SEC22C: variants seen among roughly 807,000 people sequenced by gnomAD.
SEC22C encodes SEC22 homolog C, vesicle trafficking protein.
SEC22C carries 29 observed loss-of-function variants against 34.7 expected under a neutral mutation model. The observed-to-expected ratio is 0.84, with a 90% CI of 0.62 to 1.14. The LOEUF is 1.14. SEC22C is among the 50% of genes most tolerant of loss of function. The pLI is 0.00. For missense variants in SEC22C, 337 were observed against 369.0 expected (o/e 0.91, Z 0.71); for synonymous variants, 117 against 132.8 (o/e 0.88, Z 0.82).
rs1702293568 is a variant in SEC22C, at chr3:42,552,306, C to T, written c.*942G>A. 7 of 985,364 alleles carry T rather than the reference C, an allele frequency of 7.1e-6. No individual in the cohort carries two copies. Among genetic ancestry groups the T allele is most frequent in the Non-Finnish European group, 8.4e-6 (7 of 829,918 alleles). The allele number at this position is 985,364 out of a possible 1,614,324, so 61.0% of individuals were successfully genotyped here. On this transcript the variant is annotated 3_prime_UTR_variant, in exon 7 of 7. Transcript: ENST00000264454. ...GCTCTGGGAACAGGTACACAGGGTA[C>T]AGTAGTCATCATCATTAAAACAACA...
intron 1 of SEC22C, among the ~76,000 whole-genome samples, chr3:42,593,895 CT>C (rs1379087955): frequency 2.0e-5 from 3 of 152,054 alleles, no homozygotes; most frequent in Non-Finnish European, 4.4e-5. Flanking sequence ...GAAAAGCCCC[CT>C]AGTAGGAGTG....
At chr3:42,587,410 C>G (rs1704647216) in intron 1 of SEC22C, 1 of 151,934 alleles carries the variant, frequency 6.6e-6, no homozygotes, top group Non-Finnish European at 1.5e-5. Flanking sequence ...TTTTTTTTTA[C>G]CTGATAGAAA....
intron 2 of SEC22C, among the ~76,000 whole-genome samples, chr3:42,567,410 A>C (rs1703318766): frequency 6.6e-6 from 1 of 152,170 alleles, no homozygotes; most frequent in Non-Finnish European, 1.5e-5. Context: ...AACCCATAAG[A>C]AGCAGACTTT....
At position 42,549,213 on chromosome 3, in the gene SEC22C, G is replaced by C; in HGVS notation, c.*4035C>G. On this transcript the variant is annotated 3_prime_UTR_variant, in exon 7 of 7. Coordinates refer to ENST00000264454, the MANE Select transcript of SEC22C (RefSeq NM_032970.4). Reference sequence around the variant, plus strand: ...CTACACGAAAACATTTGGAATGTGAGCAATGTCTGAACAGGGGCTTGCCAG... The same window carrying C: ...CTACACGAAAACATTTGGAATGTGACCAATGTCTGAACAGGGGCTTGCCAG... 1 of 986,696 alleles carries C rather than the reference G, an allele frequency of 1.0e-6. No individual in the cohort carries two copies. The highest frequency in any genetic ancestry group is 1.2e-6 in the Non-Finnish European group (1 of 830,738). The allele number at this position is 986,696 out of a possible 1,614,324, so 61.1% of individuals were successfully genotyped here. A position where few individuals can be genotyped will look rare whatever the true frequency, so the allele number is the denominator to read the frequency against.
intron 2 of SEC22C, chr3:42,563,911 T>C: frequency 4.9e-6 from 7 of 1,421,174 alleles, no homozygotes; most frequent in Non-Finnish European, 6.5e-6. Context: ...CAGCCTGTGA[T>C]CACTCTTATT....
chr3:42,597,572 AG>A (rs1297421692), intron 1 of SEC22C, among the ~76,000 whole-genome samples: 13 of 151,588 alleles, frequency 8.6e-5, no homozygotes, highest in Admixed American at 8.5e-4. Context: ...AAAAAAAAAA[AG>A]GTGACATAGG....
At chr3:42,571,854 G>A (rs1703648790) in intron 1 of SEC22C, among the ~76,000 whole-genome samples, 2 of 152,200 alleles carry the variant, frequency 1.3e-5, no homozygotes, top group South Asian at 2.1e-4. Context: ...CCAACATGGC[G>A]AAACCCCGTC....
upstream of SEC22C, among the ~76,000 whole-genome samples, chr3:42,583,218 C>T (rs1388953291): frequency 6.6e-6 from 1 of 152,184 alleles, no homozygotes; most frequent in Non-Finnish European, 1.5e-5. Flanking sequence ...GAAGTCTCAA[C>T]AGAGCTATGG....
At chr3:42,566,293 T>C (rs1185556200) in intron 2 of SEC22C, among the ~76,000 whole-genome samples, 1 of 152,138 alleles carries the variant, frequency 6.6e-6, no homozygotes, top group Non-Finnish European at 1.5e-5. Flanking sequence ...CCACCTAGCC[T>C]GGGGTCAGGC....
Position 42,563,664 on chromosome 3 carries a change from C to T in SEC22C, c.205G>A (p.Ala69Thr). 1 of 1,613,996 alleles carries T rather than the reference C, an allele frequency of 6.2e-7. No individual in the cohort carries two copies. The highest frequency in any genetic ancestry group is 8.5e-7 in the Non-Finnish European group (1 of 1,179,946). Residue 69 changes from alanine (A) to threonine (T), a missense_variant, in exon 3 of 7, where the codon GCC becomes ACC. Transcript: ENST00000264454. ...TGGCAGGAGCAGATAGCCATGCAGG[C>T]CACGTCCCCGAAAGAAGAAAAACTG... ...SIHFSSFGDVACMAICSCQCP... is the reference protein window; with the variant it reads ...SIHFSSFGDVTCMAICSCQCP...
Position 42,563,544 on chromosome 3 carries a change from G to A in SEC22C, c.325C>T (p.Pro109Ser). Residue 109 changes from proline to serine, a missense_variant, in exon 3 of 7, where the codon CCA becomes TCA. Coordinates refer to ENST00000264454, the MANE Select transcript of SEC22C (RefSeq NM_032970.4). ...DTTCIGLASR[P>S]YAFLEFDSII... The stretch of plus-strand genomic sequence containing the variant: ...AAACCAAACTCAAGAAAAGCGTATG[G>A]CCTGGAGGCTAGGCCAATGCAGGTA... 1 of 1,613,888 alleles carries A rather than the reference G, an allele frequency of 6.2e-7. No individual in the cohort carries two copies.
chr3:42,586,181 A>G (rs1577366969), upstream of SEC22C, among the ~76,000 whole-genome samples: 1 of 152,064 alleles, frequency 6.6e-6, no homozygotes, highest in Non-Finnish European at 1.5e-5. Flanking sequence ...TCACCATATC[A>G]CTGAAAATGC....
chr3:42,580,409 C>T (rs575105585), intron 1 of SEC22C: 73 of 152,264 alleles, frequency 4.8e-4, no homozygotes, highest in African/African-American at 1.8e-3. Context: ...ATACAGAAGA[C>T]AAAACTGAGT....
upstream of SEC22C, among the ~76,000 whole-genome samples, chr3:42,585,818 A>C (rs1704591684): frequency 6.6e-6 from 1 of 152,146 alleles, no homozygotes; most frequent in African/African-American, 2.4e-5. Flanking sequence ...ATACATTGTC[A>C]ACTTCAACTA....
chr3:42,566,604 A>AG (rs1559520454), intron 2 of SEC22C: 3 of 158,938 alleles, frequency 1.9e-5, no homozygotes, highest in African/African-American at 7.2e-5. Context: ...GTGTGAACCC[A>AG]AGAGGCAGAG....
intron 1 of SEC22C, among the ~76,000 whole-genome samples, chr3:42,590,091 GGT>G (rs2125739103): frequency 6.7e-6 from 1 of 149,156 alleles, no homozygotes; most frequent in South Asian, 2.2e-4. Flanking sequence ...TGCTTTTTAG[GGT>G]TGCCAACCTA....
intron 2 of SEC22C, among the ~76,000 whole-genome samples, chr3:42,567,825 C>T (rs1703347886): frequency 6.6e-6 from 1 of 152,170 alleles, no homozygotes; most frequent in Admixed American, 6.5e-5. Flanking sequence ...AATCCCAGCA[C>T]TTTGGGAGGC....
intron 1 of SEC22C, chr3:42,579,440 A>C (rs1392987273): frequency 1.9e-5 from 1 of 51,648 alleles, no homozygotes; most frequent in Non-Finnish European, 3.3e-5. Flanking sequence ...CATCTCTACA[A>C]AAAAAAAAAA....
At chr3:42,593,183 C>T (rs956551143) in intron 1 of SEC22C, among the ~76,000 whole-genome samples, 4 of 152,082 alleles carry the variant, frequency 2.6e-5, no homozygotes, top group East Asian at 1.9e-4. Context: ...GAGGCTGAGG[C>T]GGGCAGATCA....
Sources: gnomAD v4.1 joint callset for allele counts (sites outside exome capture counted in the v4.1 genomes callset) on GRCh38, gnomAD v4.1.1 for gene constraint, MANE v1.5 for transcripts, NCBI Gene and HGNC (gene_info 2026-07-23, HGNC 2026-07-21) for gene names.